PPP1R36: variants seen among roughly 807,000 people sequenced by gnomAD.
The protein encoded by PPP1R36 is protein phosphatase 1 regulatory subunit 36.
PPP1R36 carries 47 observed loss-of-function variants against 53.4 expected under a neutral mutation model. That is an observed-to-expected ratio of 0.88 (90% CI 0.70 to 1.12). PPP1R36 has a LOEUF of 1.12. Among genes scored for constraint, PPP1R36 ranks in the 50% most tolerant of loss-of-function variants. The pLI is 0.00. For synonymous variants in PPP1R36, 153 were observed against 170.5 expected, an observed-to-expected ratio of 0.90 and a Z score of 0.80; for missense variants, 456 against 513.9, an observed-to-expected ratio of 0.89 and a Z score of 1.09.
intron 3 of PPP1R36, among the ~76,000 whole-genome samples, chr14:64,555,181 T>C (rs1327203139): frequency 1.3e-5 from 2 of 152,256 alleles, no homozygotes; most frequent in African/African-American, 4.8e-5. Flanking sequence ...TTCTAGTATA[T>C]TGACTTTGGA....
chr14:64,578,680 A>G (rs1596743739), intron 8 of PPP1R36, among the ~76,000 whole-genome samples: 2 of 152,254 alleles, frequency 1.3e-5, no homozygotes, highest in South Asian at 4.1e-4. Context: ...TAGTTCAACC[A>G]TTGTGGAAAG....
intron 4 of PPP1R36, 47 bp from the exon 5 acceptor site, chr14:64,565,308 AAC>A: frequency 7.5e-7 from 1 of 1,326,242 alleles, no homozygotes; most frequent in Non-Finnish European, 1.1e-6. Flanking sequence ...GATTAAATAC[AAC>A]TAAAATATAT....
intron 8 of PPP1R36, among the ~76,000 whole-genome samples, chr14:64,577,411 TCTGA>T (rs1403111996): frequency 6.6e-6 from 1 of 152,168 alleles, no homozygotes; most frequent in Non-Finnish European, 1.5e-5. Context: ...GCGGGACTTC[TCTGA>T]CTGACAGCGT....
chr14:64,564,861 C>T, intron 4 of PPP1R36, 24 bp downstream of exon 4: 1 of 1,496,666 alleles, frequency 6.7e-7, no homozygotes, highest in Non-Finnish European at 9.2e-7. Flanking sequence ...CCAATCATGC[C>T]AGAGTTGCTG....
At chr14:64,558,929 C>G (rs1356202955) in intron 3 of PPP1R36, among the ~76,000 whole-genome samples, 2 of 151,898 alleles carry the variant, frequency 1.3e-5, no homozygotes, top group Non-Finnish European at 2.9e-5. Context: ...AGCCACTGTG[C>G]CCAGCCCAAA....
chr14:64,550,631 CCTA>C (rs2080086796), intron 1 of PPP1R36, among the ~76,000 whole-genome samples: 1 of 152,172 alleles, frequency 6.6e-6, no homozygotes, highest in South Asian at 2.1e-4. Context: ...TTCCTCTTTT[CCTA>C]CTTTCCTCCC....
rs723594 is a variant in PPP1R36 at position 64,588,140 on chromosome 14, T to C, written c.927T>C (p.Ala309=). 115,989 of 1,608,134 alleles carry C rather than the reference T, an allele frequency of 0.072. 4,505 individuals are homozygous for C. Among genetic ancestry groups the C allele is most frequent in the Non-Finnish European group, 0.081 (94,813 of 1,176,158 alleles). Residue 309 remains alanine (A), a synonymous_variant, in exon 11 of 12, where the codon GCT becomes GCC. Transcript: ENST00000298705. ...MMAKRPAIKK[A]INMRSPVMST... ...CAAAACGCCCAGCAATTAAAAAAGC[T>C]ATCAACATGCGTTCTCCAGTCATGT...
intron 7 of PPP1R36, 32 bp downstream of exon 7, chr14:64,568,479 T>A (rs750053766): frequency 4.1e-6 from 4 of 981,008 alleles, no homozygotes; most frequent in Non-Finnish European, 6.1e-6. Flanking sequence ...GCTTTAGAGT[T>A]TTATCACTGC....
chr14:64,565,774 AT>A, intron 6 of PPP1R36, 82 bp downstream of exon 6: 12 of 1,087,118 alleles, frequency 1.1e-5, no homozygotes, highest in Non-Finnish European at 1.4e-5. Context: ...GACAAATCTG[AT>A]TTTTAGAGGA....
At chr14:64,580,407 A>T (rs1207292221) in intron 8 of PPP1R36, among the ~76,000 whole-genome samples, 1 of 152,280 alleles carries the variant, frequency 6.6e-6, no homozygotes, top group Non-Finnish European at 1.5e-5. Context: ...AAACAATTAT[A>T]CCATAATTAG....
intron 7 of PPP1R36, among the ~76,000 whole-genome samples, chr14:64,572,883 G>C (rs2080314026): frequency 6.6e-6 from 1 of 152,192 alleles, no homozygotes; most frequent in African/African-American, 2.4e-5. Context: ...GCTGCTGAAG[G>C]AAACAGGCAC....
At chr14:64,569,343 T>C (rs1216115013) in intron 7 of PPP1R36, among the ~76,000 whole-genome samples, 1 of 152,230 alleles carries the variant, frequency 6.6e-6, no homozygotes, top group African/African-American at 2.4e-5. Flanking sequence ...AAGTTGTTGC[T>C]GCAGGATGTT....
At chr14:64,572,954 T>G (rs529653235) in intron 7 of PPP1R36, among the ~76,000 whole-genome samples, 11 of 152,046 alleles carry the variant, frequency 7.2e-5, no homozygotes, top group Non-Finnish European at 1.5e-4. Flanking sequence ...CTCCATGCCA[T>G]GAGGGGAAGG....
chr14:64,572,819 A>G (rs2080313645), intron 7 of PPP1R36, among the ~76,000 whole-genome samples: 1 of 152,176 alleles, frequency 6.6e-6, no homozygotes, highest in South Asian at 2.1e-4. Context: ...ACAGCAAAAG[A>G]AGAATATTAG....
chr14:64,581,436 G>A (rs928198246), intron 8 of PPP1R36, among the ~76,000 whole-genome samples: 30 of 152,234 alleles, frequency 2.0e-4, no homozygotes, highest in African/African-American at 6.3e-4. Context: ...GAAAAACAAC[G>A]CAGGGACATA....
chr14:64,550,082 G>A lies in PPP1R36; in HGVS notation c.69+16G>A, dbSNP rs1247254291. On this transcript the variant is annotated intron_variant, in intron 1 of 11. Transcript: ENST00000298705. Reference sequence around the variant, plus strand: ...CTTGATGGATGTAAGTGCAGCCTTGGTCGCCCCCATACCCGGGCTGGGCGC... The same window carrying A: ...CTTGATGGATGTAAGTGCAGCCTTGATCGCCCCCATACCCGGGCTGGGCGC... 2 of 1,553,084 alleles carry A rather than the reference G, an allele frequency of 1.3e-6. No individual in the cohort carries two copies. Among genetic ancestry groups the A allele is most frequent in the South Asian group, 2.4e-5 (2 of 84,152 alleles).
chr14:64,558,698 T>TA (rs1351666607), intron 3 of PPP1R36, among the ~76,000 whole-genome samples: 1 of 151,678 alleles, frequency 6.6e-6, no homozygotes, highest in Non-Finnish European at 1.5e-5. Flanking sequence ...TGCAGTGGTG[T>TA]AATCTCGGCT....
At chr14:64,572,498 G>T (rs573382372) in intron 7 of PPP1R36, among the ~76,000 whole-genome samples, 4 of 152,250 alleles carry the variant, frequency 2.6e-5, no homozygotes, top group African/African-American at 9.6e-5. Context: ...AGCTTCTCTT[G>T]AGTATTTTTT....
chr14:64,584,950 T>A (rs1265019207), intron 8 of PPP1R36, among the ~76,000 whole-genome samples: 1 of 152,214 alleles, frequency 6.6e-6, no homozygotes, highest in Non-Finnish European at 1.5e-5. Flanking sequence ...CGTAGTTCTT[T>A]ATTGAAGACT....
Sources: allele counts gnomAD v4.1 joint callset (sites outside exome capture counted in the v4.1 genomes callset), GRCh38; gene constraint gnomAD v4.1.1; transcripts MANE v1.5; gene names NCBI Gene and HGNC (gene_info 2026-07-23, HGNC 2026-07-21).